The following DLG2 variants were observed in gnomAD, a reference collection of about 807,000 sequenced individuals.
DLG2 encodes the protein disks large homolog 2.
A neutral mutation model predicts 132.5 loss-of-function variants in DLG2; 45 were observed. The ratio of observed to expected loss-of-function variants is 0.34; its 90% confidence interval spans 0.27 to 0.44. The LOEUF is 0.44. Ranked by LOEUF, DLG2 falls within the 20% of genes least tolerant of loss-of-function variation. DLG2 has a pLI of 1.00. For synonymous variants in DLG2, 424 were observed against 419.6 expected (o/e 1.01, Z -0.13); for missense variants, 1,045 against 1,196.9 (o/e 0.87, Z 1.87).
chr11:84,061,074 C>T (rs937951290), intron 10 of DLG2, among the ~76,000 whole-genome samples: 5 of 152,136 alleles, frequency 3.3e-5, no homozygotes, highest in African/African-American at 1.2e-4. Flanking sequence ...AACAGTGTCC[C>T]GTTTTGTTCA....
At chr11:85,240,051 T>C (rs1375063876) in intron 4 of DLG2, among the ~76,000 whole-genome samples, 1 of 151,968 alleles carries the variant, frequency 6.6e-6, no homozygotes, top group East Asian at 1.9e-4. Flanking sequence ...CATCTCCTTC[T>C]TTGGTATTGC....
intron 7 of DLG2, among the ~76,000 whole-genome samples, chr11:84,285,783 G>A (rs1355396093): frequency 6.6e-6 from 1 of 152,122 alleles, no homozygotes; most frequent in African/African-American, 2.4e-5. Flanking sequence ...ATTGTGTGAT[G>A]TTTACATTAC....
intron 6 of DLG2, among the ~76,000 whole-genome samples, chr11:84,567,758 C>T (rs537204200): frequency 3.8e-4 from 58 of 152,254 alleles, no homozygotes; most frequent in African/African-American, 1.3e-3. Context: ...AAGTTTTAGG[C>T]TCTATTCCTC....
chr11:83,633,348 C>G, intron 18 of DLG2, 23 bp from the exon 19 acceptor site: 1 of 1,602,786 alleles, frequency 6.2e-7, no homozygotes, highest in Admixed American at 1.7e-5. Context: ...ACAAAGGTAG[C>G]AAATTTTGCT....
chr11:84,371,079 T>G (rs934735603), intron 7 of DLG2, among the ~76,000 whole-genome samples: 2 of 152,078 alleles, frequency 1.3e-5, no homozygotes, highest in Non-Finnish European at 2.9e-5. Context: ...TCTAAAGAGG[T>G]CAGTGAGATG....
intron 7 of DLG2, among the ~76,000 whole-genome samples, chr11:84,338,648 T>C (rs1006908587): frequency 1.3e-5 from 2 of 151,792 alleles, no homozygotes; most frequent in Non-Finnish European, 2.9e-5. Context: ...CATGCTGAAA[T>C]ACAAAAAAAT....
intron 3 of DLG2, among the ~76,000 whole-genome samples, chr11:85,516,681 G>A (rs1191983251): frequency 1.3e-5 from 2 of 151,958 alleles, no homozygotes; most frequent in African/African-American, 4.8e-5. Flanking sequence ...TAGAGGAAAT[G>A]AATAAATTCC....
rs571731250 is a variant in DLG2, at chr11:85,031,989, G to A, written c.357+79672C>T. On this transcript the variant is annotated intron_variant, in intron 6 of 27. Transcript: ENST00000376104. The stretch of plus-strand genomic sequence containing the variant: ...TTTTTTTTTTGTATTTTCAGTAGAG[G>A]TGGTGTTTCACTATGTTGGCCACGG... Among the ~76,000 whole-genome samples, 3 of 136,908 alleles carry A rather than the reference G, an allele frequency of 2.2e-5. No homozygotes were observed. The South Asian group carries it at 7.0e-4, about 32-fold the overall frequency. 89.8% of individuals were successfully genotyped at this position (136,908 alleles called of 152,430 possible).
intron 3 of DLG2, among the ~76,000 whole-genome samples, chr11:85,369,448 C>T (rs367569050): frequency 4.6e-5 from 7 of 152,086 alleles, no homozygotes; most frequent in South Asian, 2.1e-4. Context: ...TTCTCTACCC[C>T]GTCAGCAGTT....
intron 18 of DLG2, among the ~76,000 whole-genome samples, chr11:83,706,539 T>C (rs956857462): frequency 6.6e-6 from 1 of 152,188 alleles, no homozygotes; most frequent in Non-Finnish European, 1.5e-5. Context: ...CAGTAATATA[T>C]GCAGAGGCTC....
intron 6 of DLG2, among the ~76,000 whole-genome samples, chr11:85,056,625 G>A (rs2063492087): frequency 6.6e-6 from 1 of 151,740 alleles, no homozygotes; most frequent in African/African-American, 2.4e-5. Context: ...AAACTGACAA[G>A]AAAAAAAGCT....
intron 3 of DLG2, among the ~76,000 whole-genome samples, chr11:85,457,912 C>T (rs909410150): frequency 5.3e-5 from 8 of 152,046 alleles, no homozygotes; most frequent in Admixed American, 4.6e-4. Flanking sequence ...TTATGTGTCT[C>T]GGGGATGGTC....
chr11:84,738,486 T>A (rs955949732), intron 6 of DLG2, among the ~76,000 whole-genome samples: 5 of 152,168 alleles, frequency 3.3e-5, no homozygotes, highest in African/African-American at 4.8e-5. Context: ...ATATACTAGG[T>A]ATTCTGTTTC....
At chr11:83,784,337 A>G (rs756270840) in intron 18 of DLG2, among the ~76,000 whole-genome samples, 2 of 152,232 alleles carry the variant, frequency 1.3e-5, no homozygotes, top group South Asian at 4.1e-4. Context: ...TTTCATTGAA[A>G]ACTGCAGTTA....
chr11:84,735,256 T>C (rs930394091), intron 6 of DLG2, among the ~76,000 whole-genome samples: 3 of 152,186 alleles, frequency 2.0e-5, no homozygotes, highest in African/African-American at 7.2e-5. Context: ...TGGCTGTGAA[T>C]CCGTCTGGTC....
chr11:84,334,555 C>G (rs2098475202), intron 7 of DLG2, among the ~76,000 whole-genome samples: 1 of 152,174 alleles, frequency 6.6e-6, no homozygotes, highest in African/African-American at 2.4e-5. Flanking sequence ...AAAGTTGAAA[C>G]CTGTCTGTTC....
chr11:84,088,060 T>C (rs920104858), intron 10 of DLG2, among the ~76,000 whole-genome samples: 9 of 152,206 alleles, frequency 5.9e-5, no homozygotes, highest in African/African-American at 1.9e-4. Context: ...TTTGCAAGTA[T>C]TTTCTCTCAT....
chr11:84,043,062 T>G (rs1240628344), intron 11 of DLG2, among the ~76,000 whole-genome samples: 1 of 151,794 alleles, frequency 6.6e-6, no homozygotes, highest in Non-Finnish European at 1.5e-5. Context: ...TTCTATATTC[T>G]GATTTTAAAC....
chr11:84,482,196 A>C (rs969456347), intron 7 of DLG2, among the ~76,000 whole-genome samples: 2 of 152,214 alleles, frequency 1.3e-5, no homozygotes, highest in Non-Finnish European at 2.9e-5. Flanking sequence ...TCTTCTTTTT[A>C]AAAAGCTAAA....
Sources: gnomAD v4.1 joint callset for allele counts (sites outside exome capture counted in the v4.1 genomes callset) on GRCh38, gnomAD v4.1.1 for gene constraint, MANE v1.5 for transcripts, NCBI Gene and HGNC (gene_info 2026-07-23, HGNC 2026-07-21) for gene names.